Variants in OSMR observed in about 807,000 individuals in gnomAD.
OSMR encodes oncostatin M receptor.
OSMR carries 81 observed loss-of-function variants against 99.9 expected under a neutral mutation model. That is an observed-to-expected ratio of 0.81 (90% CI 0.68 to 0.97). OSMR has a LOEUF of 0.97. Ranked by LOEUF, OSMR falls within the 50% of genes least tolerant of loss-of-function variation. The probability of loss-of-function intolerance (pLI) is 0.00; values close to 1 mark genes in which losing one functional copy is unlikely to be tolerated. For missense variants in OSMR, 1,099 were observed against 1,153.4 expected (o/e 0.95, Z 0.68); for synonymous variants, 406 against 410.4 (o/e 0.99, Z 0.13).
At chr5:38,906,355 T>C (rs1745231203) in intron 9 of OSMR, among the ~76,000 whole-genome samples, 1 of 152,184 alleles carries the variant, frequency 6.6e-6, no homozygotes, top group African/African-American at 2.4e-5. Context: ...GAATTTTTTA[T>C]TACTTCTGAT....
Position 38,933,131 on chromosome 5 carries a change from T to G in OSMR, c.2627T>G (p.Val876Gly). Reference protein sequence around the residue: ...SDSGSCGHVPVSPKAPSMLGL... With the variant: ...SDSGSCGHVPGSPKAPSMLGL... ...TCTGGCTCTTGTGGCCATGTTCCAG[T>G]ATCCCCAAAAGCCCCAAGTATGCTG... Residue 876 changes from valine (V) to glycine (G), a missense_variant, in exon 18 of 18, where the codon GTA becomes GGA. Physicochemically the swap from Val to Gly is moderately radical, Grantham distance 109. Transcript: ENST00000274276. 6.2e-7 allele frequency: 1 copy of G among 1,614,170 alleles called. No homozygotes were observed. Among genetic ancestry groups the G allele is most frequent in the African/African-American group, 1.3e-5 (1 of 75,038 alleles).
intron 9 of OSMR, among the ~76,000 whole-genome samples, chr5:38,911,430 A>G (rs1745573092): frequency 6.6e-6 from 1 of 152,206 alleles, no homozygotes; most frequent in South Asian, 2.1e-4. Flanking sequence ...CAAAAAGCCT[A>G]GGAACCAGAG....
At chr5:38,852,718 A>ATTTTTCTTTTTTT (rs1740493702) in intron 1 of OSMR, among the ~76,000 whole-genome samples, 1 of 70,660 alleles carries the variant, frequency 1.4e-5, no homozygotes, top group Non-Finnish European at 2.6e-5. Flanking sequence ...TATTGTTTTC[A>ATTTTTCTTTTTTT]TTTTTTTTTT....
intron 7 of OSMR, among the ~76,000 whole-genome samples, chr5:38,889,165 G>A (rs1227492180): frequency 6.6e-6 from 1 of 151,958 alleles, no homozygotes; most frequent in Non-Finnish European, 1.5e-5. Flanking sequence ...GATGTGTTCA[G>A]TAATATGGTA....
chr5:38,862,710 C>A (rs1361445383), intron 1 of OSMR, among the ~76,000 whole-genome samples: 1 of 151,982 alleles, frequency 6.6e-6, no homozygotes, highest in Admixed American at 6.5e-5. Flanking sequence ...CTCCTCACTT[C>A]CTAGATGGGA....
intron 2 of OSMR, among the ~76,000 whole-genome samples, chr5:38,875,286 G>A (rs1054638310): frequency 6.6e-6 from 1 of 152,150 alleles, no homozygotes; most frequent in African/African-American, 2.4e-5. Context: ...AATCTATATG[G>A]TGTTTTCCTC....
At chr5:38,854,128 C>T (rs1287851362) in intron 1 of OSMR, among the ~76,000 whole-genome samples, 2 of 152,060 alleles carry the variant, frequency 1.3e-5, no homozygotes, top group African/African-American at 4.8e-5. Context: ...CTGCACAGGA[C>T]TCTTTCATAA....
chr5:38,886,178 C>T lies in OSMR; in HGVS notation c.979C>T (p.Leu327=). The T allele has an allele frequency of 6.2e-7, 1 of 1,614,082 alleles. No homozygotes were observed. Among genetic ancestry groups the T allele is most frequent in the Non-Finnish European group, 8.5e-7 (1 of 1,179,948 alleles). The change falls in exon 7 of 18, where the codon CTG becomes TTG. Residue 327 remains leucine, a synonymous_variant. Transcript: ENST00000274276. ...GAGAAGTGTCAATATCCTTTTTAAC[C>T]TGACTCATCGAGGTGAGACTAGAGT... ...RKRSVNILFN[L]THRVYLMNPF...
At chr5:38,880,212 A>C (rs1743169775) in intron 3 of OSMR, among the ~76,000 whole-genome samples, 1 of 152,192 alleles carries the variant, frequency 6.6e-6, no homozygotes, top group Non-Finnish European at 1.5e-5. Flanking sequence ...TAATTAGTAG[A>C]AGGCATCCGA....
intron 4 of OSMR, 168 bp from the exon 5 acceptor site, chr5:38,883,659 T>C: frequency 1.0e-6 from 1 of 981,866 alleles, no homozygotes; most frequent in Non-Finnish European, 1.2e-6. Context: ...TGGAAAGGAT[T>C]GTCTTGCATG....
Position 38,931,887 on chromosome 5 carries a change from G to C in OSMR, c.2217G>C (p.Ser739=). The change falls in exon 16 of 18, where the codon TCG becomes TCC. Residue 739 remains serine, a synonymous_variant. Transcript: ENST00000274276. ...CCTTTCTTTTTCCTCGTTCAGCCTC[G>C]ATGCTGATTCATATCCTACTGCCCA... ...TKVTTPDEHS[S]MLIHILLPMV... 6.2e-7 allele frequency: 1 copy of C among 1,613,116 alleles called. No homozygotes were observed. The highest frequency in any genetic ancestry group is 8.5e-7 in the Non-Finnish European group (1 of 1,179,218).
chr5:38,926,874 G>T (rs140434606), intron 15 of OSMR, among the ~76,000 whole-genome samples: 3 of 152,288 alleles, frequency 2.0e-5, no homozygotes, highest in African/African-American at 7.2e-5. Flanking sequence ...CCGCCTATGA[G>T]CCTGTAAAAT....
chr5:38,859,084 G>A (rs1741081190), intron 1 of OSMR, among the ~76,000 whole-genome samples: 1 of 152,148 alleles, frequency 6.6e-6, no homozygotes, highest in African/African-American at 2.4e-5. Context: ...TTCCTTTGCT[G>A]TGGAGAAACT....
At chr5:38,944,231 T>A (rs760229968) in exon 2 of OSMR, 3 of 626,564 alleles carry the variant, frequency 4.8e-6, no homozygotes, top group African/African-American at 3.6e-5. Flanking sequence ...TAATAGAAGA[T>A]AGCTGGATTC....
chr5:38,874,607 G>A (rs1216870623), intron 2 of OSMR, among the ~76,000 whole-genome samples: 1 of 152,152 alleles, frequency 6.6e-6, no homozygotes, highest in African/African-American at 2.4e-5. Flanking sequence ...GCCCCATCCT[G>A]TCACCTGTGT....
At chr5:38,932,767 G>T in intron 17 of OSMR, 105 bp from the exon 18 acceptor site, 1 of 1,554,076 alleles carries the variant, frequency 6.4e-7, no homozygotes, top group East Asian at 2.4e-5. Context: ...GAAGAAACAT[G>T]AAGAACATTG....
At chr5:38,937,877 G>A, downstream of OSMR, 1 of 175,170 alleles carries the variant, frequency 5.7e-6, no homozygotes, top group Non-Finnish European at 1.2e-5. The surrounding 1 kb of genome is among the most constrained non-coding windows in gnomAD (Gnocchi z 4.0). Flanking sequence ...AAGGCCATAT[G>A]ACCACTGATT....
At chr5:38,937,173 C>A (rs1484427468), downstream of OSMR, among the ~76,000 whole-genome samples, 1 of 152,180 alleles carries the variant, frequency 6.6e-6, no homozygotes, top group Non-Finnish European at 1.5e-5. This position sits in a 1 kb window ranked among gnomAD's most constrained non-coding sequence, Gnocchi z 4.0. Context: ...GCTGGGACTA[C>A]AGGTGCCGGC....
intron 7 of OSMR, among the ~76,000 whole-genome samples, chr5:38,901,944 G>A (rs1334424327): frequency 1.3e-5 from 2 of 152,152 alleles, no homozygotes; most frequent in Non-Finnish European, 2.9e-5. Context: ...ATTAGAGGAT[G>A]CCACAAGAGA....
Sources: gnomAD v4.1 joint callset for allele counts (sites outside exome capture counted in the v4.1 genomes callset) on GRCh38, gnomAD v4.1.1 for gene constraint, Gnocchi (gnomAD v3.1) non-coding constraint, MANE v1.5 for transcripts, NCBI Gene and HGNC (gene_info 2026-07-23, HGNC 2026-07-21) for gene names.